The following WWOX variants were observed in gnomAD, a reference collection of about 807,000 sequenced individuals.
The protein encoded by WWOX is WW domain-containing oxidoreductase.
In WWOX, 69 loss-of-function variants were observed where a neutral mutation model predicts 46.2. That is an observed-to-expected ratio of 1.49 (90% confidence interval 1.23 to 1.82). The LOEUF is 1.82. Ranked by LOEUF, WWOX falls within the 40% of genes most tolerant of loss-of-function variation. The probability of loss-of-function intolerance (pLI) is 0.00; values close to 1 mark genes in which losing one functional copy is unlikely to be tolerated. For synonymous variants in WWOX, 359 were observed against 202.6 expected, an observed-to-expected ratio of 1.77 and a Z score of -6.56; for missense variants, 919 against 542.6, an observed-to-expected ratio of 1.69 and a Z score of -6.89.
At chr16:78,729,489 A>G (rs1331088014) in intron 8 of WWOX, among the ~76,000 whole-genome samples, 1 of 152,164 alleles carries the variant, frequency 6.6e-6, no homozygotes, top group Non-Finnish European at 1.5e-5. Context: ...GGGAGATTTG[A>G]GAAAGACAGA....
chr16:78,711,215 G>A (rs753962885), intron 8 of WWOX, among the ~76,000 whole-genome samples: 5 of 152,210 alleles, frequency 3.3e-5, no homozygotes, highest in Non-Finnish European at 5.9e-5. Flanking sequence ...AAGCCTCTAA[G>A]TGTGCATCAT....
intron 8 of WWOX, among the ~76,000 whole-genome samples, chr16:78,981,393 G>GTCCAT (rs893512385): frequency 6.6e-6 from 1 of 151,966 alleles, no homozygotes; most frequent in Non-Finnish European, 1.5e-5. Flanking sequence ...GTGGGCAGCT[G>GTCCAT]TCCATGCAGC....
At position 79,028,096 on chromosome 16, in the gene WWOX, A is replaced by G. The variant is rs113623954; in HGVS notation, c.1057-183512A>G. On this transcript the variant is annotated intron_variant, in intron 8 of 8. Transcript: ENST00000566780. ...CTCCCGAGTAGCTGAGACTACAGGC[A>G]CCTGCCACGACGCCTGGCTAATTTT... is the stretch of plus-strand genomic sequence containing the variant. Among the ~76,000 whole-genome samples the G allele has an allele frequency of 4.8e-3, 726 of 151,640 alleles. 31 individuals are homozygous for G. Among genetic ancestry groups the G allele is most frequent in the African/African-American group, 0.017 (685 of 41,092 alleles).
At chr16:78,841,363 C>G (rs777976633) in intron 8 of WWOX, among the ~76,000 whole-genome samples, 2 of 152,192 alleles carry the variant, frequency 1.3e-5, no homozygotes, top group Non-Finnish European at 2.9e-5. Flanking sequence ...GGGTGCTAGA[C>G]ATGCCCTTAG....
At position 78,342,634 on chromosome 16, in the gene WWOX, C is replaced by G. The variant is rs924923731; in HGVS notation, c.517-44226C>G. ...TTCCAGCCAAGTGAGACAGGGAAGC[C>G]CAGAAAAATGTGTCACAGAACTTAT... On this transcript the variant is annotated intron_variant, in intron 5 of 8. Transcript: ENST00000566780. 1.7e-5 allele frequency among the ~76,000 whole-genome samples: 2 copies of G among 119,750 alleles called. 1 individual carries two copies. The highest frequency in any genetic ancestry group is 1.6e-4 in the Admixed American group (2 of 12,290). 78.6% of individuals were successfully genotyped at this position (119,750 alleles called of 152,430 possible). A position where few individuals can be genotyped will look rare whatever the true frequency, so the allele number is the denominator to read the frequency against.
At chr16:79,013,407 ACT>A (rs1343337532) in intron 8 of WWOX, among the ~76,000 whole-genome samples, 5 of 151,802 alleles carry the variant, frequency 3.3e-5, no homozygotes, top group East Asian at 3.9e-4. Context: ...AGTTCTGGTA[ACT>A]CTTTTATCTT....
intron 5 of WWOX, among the ~76,000 whole-genome samples, chr16:78,370,702 G>C (rs1233521209): frequency 6.7e-6 from 1 of 149,798 alleles, no homozygotes; most frequent in African/African-American, 2.5e-5. Context: ...TTTTTCTTGG[G>C]ATCAATTCTG....
At chr16:79,104,928 G>A (rs2049277732) in intron 8 of WWOX, among the ~76,000 whole-genome samples, 1 of 152,170 alleles carries the variant, frequency 6.6e-6, no homozygotes. Context: ...TAATTACTCA[G>A]GAGCAAAGCA....
intron 5 of WWOX, among the ~76,000 whole-genome samples, chr16:78,294,893 A>C (rs2151862926): frequency 1.3e-5 from 2 of 152,142 alleles, no homozygotes; most frequent in South Asian, 4.1e-4. Context: ...AAATGAATGA[A>C]TGTATGAGTG....
At chr16:78,495,222 C>A (rs1180049348) in intron 8 of WWOX, among the ~76,000 whole-genome samples, 1 of 140,044 alleles carries the variant, frequency 7.1e-6, no homozygotes, top group Non-Finnish European at 1.5e-5. Flanking sequence ...CTCACTGCAA[C>A]TTTTGCCTCC....
chr16:78,710,946 C>T (rs772512699), intron 8 of WWOX, among the ~76,000 whole-genome samples: 1 of 152,106 alleles, frequency 6.6e-6, no homozygotes. Context: ...TTTCTCCTTT[C>T]TTTTCACATT....
intron 8 of WWOX, among the ~76,000 whole-genome samples, chr16:79,099,674 C>T (rs1379498266): frequency 1.3e-5 from 2 of 151,946 alleles, no homozygotes; most frequent in African/African-American, 4.8e-5. Flanking sequence ...CTGTTTTTAA[C>T]ATATTGCACC....
chr16:78,444,785 C>T (rs1406240711), intron 8 of WWOX, among the ~76,000 whole-genome samples: 1 of 152,108 alleles, frequency 6.6e-6, no homozygotes, highest in African/African-American at 2.4e-5. Context: ...CCGCCTCGGC[C>T]TCCCAAAGTG....
chr16:78,728,048 C>G lies in WWOX; in HGVS notation c.1056+295296C>G, dbSNP rs7499295. On this transcript the variant is annotated intron_variant, in intron 8 of 8. Transcript: ENST00000566780. ...AACTCCCTTCCTCTTTCCTCTCTCC[C>G]TCCTTCCTTTTTTTTTTTTTTTTTT... Among the ~76,000 whole-genome samples the G allele has an allele frequency of 7.8e-5, 7 of 89,482 alleles. No homozygotes were observed. The East Asian group carries it at 9.2e-4, about 12-fold the overall frequency. The allele number at this position is 89,482 out of a possible 152,430, so 58.7% of individuals were successfully genotyped here. A position where few individuals can be genotyped will look rare whatever the true frequency, so the allele number is the denominator to read the frequency against.
intron 8 of WWOX, among the ~76,000 whole-genome samples, chr16:78,800,008 C>T (rs569751616): frequency 6.6e-6 from 1 of 152,064 alleles, no homozygotes; most frequent in African/African-American, 2.4e-5. Flanking sequence ...TTTTTCTCTC[C>T]TTCCCCATTA....
intron 8 of WWOX, among the ~76,000 whole-genome samples, chr16:78,987,312 T>G (rs749904296): frequency 6.6e-6 from 1 of 152,256 alleles, no homozygotes; most frequent in Non-Finnish European, 1.5e-5. Context: ...TGCTTTGTTT[T>G]GACAATGATC....
intron 8 of WWOX, among the ~76,000 whole-genome samples, chr16:79,131,079 C>G (rs1006237639): frequency 6.6e-6 from 1 of 152,178 alleles, no homozygotes; most frequent in African/African-American, 2.4e-5. Context: ...TTTGATTTCA[C>G]TCCTGAAAAG....
chr16:78,948,073 A>T (rs2045983301), intron 8 of WWOX, among the ~76,000 whole-genome samples: 2 of 152,240 alleles, frequency 1.3e-5, no homozygotes, highest in Admixed American at 6.5e-5. Context: ...GTGCCGTCAG[A>T]GAGAGTTCAA....
At chr16:78,331,279 C>G (rs1425578128) in intron 5 of WWOX, among the ~76,000 whole-genome samples, 1 of 152,086 alleles carries the variant, frequency 6.6e-6, no homozygotes, top group African/African-American at 2.4e-5. Flanking sequence ...TTAGAAGTCA[C>G]GTCGATTTTC....
Sources: allele counts gnomAD v4.1 joint callset (sites outside exome capture counted in the v4.1 genomes callset), GRCh38; gene constraint gnomAD v4.1.1; transcripts MANE v1.5; gene names NCBI Gene and HGNC (gene_info 2026-07-23, HGNC 2026-07-21).